Variants in SV2C observed in about 807,000 individuals in gnomAD.
SV2C encodes synaptic vesicle glycoprotein 2C, also known as solute carrier family 22 member B3.
SV2C carries 49 observed loss-of-function variants against 79.7 expected under a neutral mutation model. The observed-to-expected ratio is 0.61, with a 90% CI of 0.49 to 0.78. The LOEUF is 0.78. SV2C is among the 30% of genes least tolerant of loss of function. SV2C has a pLI of 0.00. For synonymous variants in SV2C, 334 were observed against 333.2 expected, an observed-to-expected ratio of 1.00 and a Z score of -0.03; for missense variants, 833 against 912.9, an observed-to-expected ratio of 0.91 and a Z score of 1.13.
chr5:75,953,686 G>A, the SV2C span, among the ~76,000 whole-genome samples: 1 of 151,912 alleles, frequency 6.6e-6, no homozygotes, highest in African/African-American at 2.4e-5. Flanking sequence ...AATGATATAT[G>A]AGTGCCTCAG....
chr5:76,045,871 G>A, the SV2C span, among the ~76,000 whole-genome samples: 1 of 152,178 alleles, frequency 6.6e-6, no homozygotes, highest in Non-Finnish European at 1.5e-5. Context: ...CTTAAATCTA[G>A]TGATGGTTAA....
At chr5:76,137,970 A>C (rs1749123605) in intron 2 of SV2C, among the ~76,000 whole-genome samples, 1 of 152,218 alleles carries the variant, frequency 6.6e-6, no homozygotes, top group South Asian at 2.1e-4. Flanking sequence ...CTTATCTGGA[A>C]TATCAGTGAC....
chr5:76,207,174 A>G (rs990437791), intron 3 of SV2C, among the ~76,000 whole-genome samples: 2 of 151,942 alleles, frequency 1.3e-5, no homozygotes, highest in African/African-American at 2.4e-5. Flanking sequence ...GCAAAAAAAA[A>G]AAAGAAAGAA....
At chr5:76,168,409 C>T (rs1743108740) in intron 2 of SV2C, among the ~76,000 whole-genome samples, 1 of 152,094 alleles carries the variant, frequency 6.6e-6, no homozygotes, top group Admixed American at 6.5e-5. Flanking sequence ...CCCTCCTTAC[C>T]TTGGATCCAG....
intron 12 of SV2C, among the ~76,000 whole-genome samples, chr5:76,346,848 A>G (rs1458975766): frequency 6.6e-6 from 1 of 152,188 alleles, no homozygotes; most frequent in African/African-American, 2.4e-5. Context: ...ACCATGCCCA[A>G]GTGAATCCAT....
At chr5:75,917,399 A>T in the SV2C span, among the ~76,000 whole-genome samples, 2,722 of 152,278 alleles carry the variant, frequency 0.018, 72 homozygotes, top group African/African-American at 0.06. Flanking sequence ...TATGCTTGAC[A>T]CTGTGCTAAG....
chr5:76,068,890 T>C, the SV2C span, among the ~76,000 whole-genome samples: 14 of 152,030 alleles, frequency 9.2e-5, no homozygotes, highest in African/African-American at 2.9e-4. Flanking sequence ...CCCACAGTAG[T>C]AAAATGTTTC....
At position 76,193,940 on chromosome 5, in the gene SV2C, G is replaced by A. The variant is rs370537308; in HGVS notation, c.581-979G>A. ...TGGCACAAACAGATGCTCACTCAGTGAAAGTAGTACCAGGGGCTGTTGTTT... is the reference window on the plus strand; with the variant it reads ...TGGCACAAACAGATGCTCACTCAGTAAAAGTAGTACCAGGGGCTGTTGTTT... On this transcript the variant is annotated intron_variant, in intron 2 of 12. Transcript: ENST00000502798. Among the ~76,000 whole-genome samples the A allele has an allele frequency of 6.5e-4, 99 of 152,356 alleles. 1 individual carries two copies. The South Asian group carries it at 0.019, about 30-fold the overall frequency.
In SV2C at chr5:76,291,973, A is replaced by AT. The variant is rs552529377; in HGVS notation, c.1337+124dup. The AT allele has an allele frequency of 8.3e-5, 57 of 688,730 alleles. No individual in the cohort carries two copies. In the South Asian group the frequency reaches 1.2e-3, roughly 14 times the overall value. 42.7% of individuals were successfully genotyped at this position (688,730 alleles called of 1,614,324 possible). On this transcript the variant is annotated intron_variant, in intron 8 of 12. Transcript: ENST00000502798. ...ATGCTGTTAACCTGCTAAGGAAGAA[A>AT]TTTTTTTCAGCTTAGGTTTGCTGAG...
the SV2C span, among the ~76,000 whole-genome samples, chr5:76,070,271 C>T: frequency 6.6e-6 from 1 of 152,158 alleles, no homozygotes; most frequent in South Asian, 2.1e-4. Flanking sequence ...CTCTAAAGAG[C>T]CTCATCAAGT....
At chr5:76,324,281 A>G (rs1279376933) in intron 12 of SV2C, among the ~76,000 whole-genome samples, 1 of 152,200 alleles carries the variant, frequency 6.6e-6, no homozygotes, top group African/African-American at 2.4e-5. Flanking sequence ...TTAACTTTGG[A>G]ATGAAATTTA....
chr5:75,898,548 G>A, the SV2C span, among the ~76,000 whole-genome samples: 1 of 152,126 alleles, frequency 6.6e-6, no homozygotes, highest in Non-Finnish European at 1.5e-5. Context: ...TTGTGTCTCT[G>A]CCCGCCTTTG....
chr5:76,117,865 G>A (rs1323803189), intron 1 of SV2C, among the ~76,000 whole-genome samples: 1 of 152,076 alleles, frequency 6.6e-6, no homozygotes, highest in Non-Finnish European at 1.5e-5. Flanking sequence ...CATGAACAAA[G>A]AAACCTTAAA....
At chr5:76,139,559 T>C (rs1051128954) in intron 2 of SV2C, among the ~76,000 whole-genome samples, 2 of 152,214 alleles carry the variant, frequency 1.3e-5, no homozygotes, top group African/African-American at 4.8e-5. Flanking sequence ...TTCTAAGAGA[T>C]AGATCTGTCT....
chr5:75,878,204 T>A, the SV2C span, among the ~76,000 whole-genome samples: 148 of 152,054 alleles, frequency 9.7e-4, no homozygotes, highest in Non-Finnish European at 1.2e-3. Flanking sequence ...ATAGTTGATA[T>A]GAATACCAAT....
At chr5:76,306,050 T>C (rs1055032124) in intron 12 of SV2C, among the ~76,000 whole-genome samples, 1 of 152,046 alleles carries the variant, frequency 6.6e-6, no homozygotes, top group Non-Finnish European at 1.5e-5. Context: ...GGGGGAAGGA[T>C]GGGGTCTCCC....
chr5:75,903,378 TAA>T, the SV2C span, among the ~76,000 whole-genome samples: 1,614 of 146,352 alleles, frequency 0.011, 22 homozygotes, highest in Middle Eastern at 0.026. Context: ...TTTTTTTTTT[TAA>T]AAAAAAAAGA....
intron 2 of SV2C, among the ~76,000 whole-genome samples, chr5:76,153,060 G>A (rs1742603876): frequency 6.6e-6 from 1 of 152,186 alleles, no homozygotes; most frequent in Non-Finnish European, 1.5e-5. Flanking sequence ...GAGAACCCAG[G>A]AAAGGCCAGG....
intron 2 of SV2C, among the ~76,000 whole-genome samples, chr5:76,146,795 TTTAAA>T (rs1350398816): frequency 6.5e-5 from 5 of 76,520 alleles, no homozygotes; most frequent in African/African-American, 2.2e-4. Context: ...TGAGTTTTTT[TTTAAA>T]AAAAAAAAAA....
Sources: allele counts gnomAD v4.1 joint callset (sites outside exome capture counted in the v4.1 genomes callset), GRCh38; gene constraint gnomAD v4.1.1; transcripts MANE v1.5; gene names NCBI Gene and HGNC (gene_info 2026-07-23, HGNC 2026-07-21).